The following PTPRD variants were observed in gnomAD, a reference collection of about 807,000 sequenced individuals.
The protein encoded by PTPRD is protein tyrosine phosphatase receptor type D.
In PTPRD, 34 loss-of-function variants were observed where a neutral mutation model predicts 214.5. The ratio of observed to expected loss-of-function variants is 0.16; its 90% CI spans 0.12 to 0.21. PTPRD has a LOEUF of 0.21. PTPRD is among the 10% of genes least tolerant of loss of function. The probability of loss-of-function intolerance (pLI) is 1.00; values close to 1 mark genes in which losing one functional copy is unlikely to be tolerated. For missense variants in PTPRD, 2,545 were observed against 2,398.7 expected (o/e 1.06, Z -1.27); for synonymous variants, 1,128 against 845.7 (o/e 1.33, Z -5.79).
chr9:8,921,077 G>A (rs748586228), intron 11 of PTPRD, among the ~76,000 whole-genome samples: 5 of 152,180 alleles, frequency 3.3e-5, no homozygotes, highest in African/African-American at 9.6e-5. Flanking sequence ...GCCTCCCAAA[G>A]TGTTGGGATT....
intron 14 of PTPRD, among the ~76,000 whole-genome samples, chr9:8,622,416 A>G (rs1267275110): frequency 1.3e-5 from 2 of 151,992 alleles, no homozygotes; most frequent in Admixed American, 6.6e-5. Context: ...TCAAGGAGAC[A>G]TTAGTTCTTA....
At chr9:9,263,277 T>C (rs2099980928) in intron 9 of PTPRD, among the ~76,000 whole-genome samples, 1 of 151,688 alleles carries the variant, frequency 6.6e-6, no homozygotes. Flanking sequence ...TCTTTTTTTA[T>C]AAATGTTTTT....
intron 10 of PTPRD, among the ~76,000 whole-genome samples, chr9:9,153,570 T>C (rs1002678241): frequency 1.3e-5 from 2 of 152,234 alleles, no homozygotes; most frequent in Non-Finnish European, 2.9e-5. Flanking sequence ...CAGTTATGTG[T>C]GATTTATTTA....
intron 3 of PTPRD, among the ~76,000 whole-genome samples, chr9:10,306,174 A>G (rs1275055563): frequency 6.6e-6 from 1 of 151,746 alleles, no homozygotes; most frequent in African/African-American, 2.4e-5. Context: ...ACACAAAAAC[A>G]GAAAACCAAA....
At chr9:10,227,120 A>T (rs1316574931) in intron 3 of PTPRD, among the ~76,000 whole-genome samples, 1 of 151,986 alleles carries the variant, frequency 6.6e-6, no homozygotes, top group Non-Finnish European at 1.5e-5. Flanking sequence ...AAAGTTATAA[A>T]ATGGAAGCTA....
intron 4 of PTPRD, among the ~76,000 whole-genome samples, chr9:10,027,435 G>C (rs888890474): frequency 3.3e-5 from 5 of 152,118 alleles, no homozygotes; most frequent in African/African-American, 1.2e-4. Flanking sequence ...AGATACATAG[G>C]TACCTCCTTC....
At chr9:9,942,324 GCATCTTCAT>G (rs1378812498) in intron 4 of PTPRD, among the ~76,000 whole-genome samples, 9 of 152,120 alleles carry the variant, frequency 5.9e-5, no homozygotes, top group East Asian at 3.9e-4. Flanking sequence ...TAAATAAAAA[GCATCTTCAT>G]CATCTTCATT....
At chr9:9,902,573 A>G (rs1436769056) in intron 5 of PTPRD, among the ~76,000 whole-genome samples, 2 of 152,190 alleles carry the variant, frequency 1.3e-5, no homozygotes, top group East Asian at 3.9e-4. Flanking sequence ...TAAAAAAGAA[A>G]CTAGCACATT....
At chr9:8,898,731 A>C (rs2098640827) in intron 11 of PTPRD, among the ~76,000 whole-genome samples, 1 of 152,148 alleles carries the variant, frequency 6.6e-6, no homozygotes, top group Non-Finnish European at 1.5e-5. Flanking sequence ...ACTGATGACA[A>C]ATATTGTTCA....
chr9:10,129,435 T>C (rs994721169), intron 3 of PTPRD, among the ~76,000 whole-genome samples: 1 of 152,052 alleles, frequency 6.6e-6, no homozygotes, highest in African/African-American at 2.4e-5. Flanking sequence ...CCTATTGACA[T>C]GATTGACCAC....
At chr9:10,253,144 T>C (rs1460106586) in intron 3 of PTPRD, among the ~76,000 whole-genome samples, 4 of 152,170 alleles carry the variant, frequency 2.6e-5, no homozygotes, top group Non-Finnish European at 5.9e-5. Context: ...GCTTCACAGT[T>C]AAATTTGATG....
chr9:8,348,329 C>T (rs1217746410), intron 39 of PTPRD, among the ~76,000 whole-genome samples: 1 of 152,086 alleles, frequency 6.6e-6, no homozygotes, highest in East Asian at 1.9e-4. Context: ...TTGAATAATG[C>T]TTTATATAAG....
chr9:9,186,007 G>C (rs1889819), intron 9 of PTPRD, among the ~76,000 whole-genome samples: 79,059 of 151,728 alleles, frequency 0.52, 20,707 homozygotes, highest in South Asian at 0.67. Context: ...AGAAAAAAAT[G>C]TAATCCTTTC....
intron 3 of PTPRD, among the ~76,000 whole-genome samples, chr9:10,245,887 G>A (rs756985090): frequency 1.3e-5 from 2 of 152,094 alleles, no homozygotes; most frequent in Admixed American, 6.6e-5. Flanking sequence ...GAATGAGGTG[G>A]CATGTGAGAT....
chr9:9,790,561 T>C (rs770340197), intron 5 of PTPRD, among the ~76,000 whole-genome samples: 3 of 152,242 alleles, frequency 2.0e-5, no homozygotes, highest in Non-Finnish European at 4.4e-5. Flanking sequence ...CATTTATAGA[T>C]ATTTTCTTCC....
intron 3 of PTPRD, among the ~76,000 whole-genome samples, chr9:10,141,020 G>A (rs1183329090): frequency 6.6e-6 from 1 of 152,034 alleles, no homozygotes; most frequent in Non-Finnish European, 1.5e-5. Context: ...CTCAATAGAT[G>A]CAGAAAAGGC....
intron 4 of PTPRD, among the ~76,000 whole-genome samples, chr9:9,976,422 T>G (rs1003442571): frequency 2.0e-5 from 3 of 152,024 alleles, no homozygotes; most frequent in Non-Finnish European, 2.9e-5. Context: ...AGTCTTGCTC[T>G]GTCACCCAGG....
chr9:10,242,473 T>A (rs1454793832), intron 3 of PTPRD, among the ~76,000 whole-genome samples: 2 of 151,958 alleles, frequency 1.3e-5, no homozygotes, highest in Non-Finnish European at 2.9e-5. Context: ...TCATATGAAT[T>A]AGATCACAGG....
In PTPRD at chr9:8,393,870, G is replaced by A. The variant is rs76011007; in HGVS notation, c.4211-4463C>T. On this transcript the variant is annotated intron_variant, in intron 36 of 45. Coordinates refer to ENST00000381196, the MANE Select transcript of PTPRD (RefSeq NM_002839.4). ...CAGTTAATGAACTGTTCTTTCTTGT[G>A]GCATTTAAAAATATTACTTACATGC... Among the ~76,000 whole-genome samples, 75 of 152,094 alleles carry A rather than the reference G, an allele frequency of 4.9e-4. 1 individual carries two copies. In the East Asian group the frequency reaches 0.014, roughly 29 times the overall value.
Sources: gnomAD v4.1 joint callset for allele counts (sites outside exome capture counted in the v4.1 genomes callset) on GRCh38, gnomAD v4.1.1 for gene constraint, MANE v1.5 for transcripts, NCBI Gene and HGNC (gene_info 2026-07-23, HGNC 2026-07-21) for gene names.